ST3GAL3: variants seen among roughly 807,000 people sequenced by gnomAD.
ST3GAL3 encodes the protein CMP-N-acetylneuraminate-beta-1,4-galactoside alpha-2,3-sialyltransferase.
Under a neutral mutation model 50.1 loss-of-function variants are expected in ST3GAL3, and 21 were observed. The ratio of observed to expected loss-of-function variants is 0.42; its 90% CI spans 0.30 to 0.60. The LOEUF is 0.60. Ranked by LOEUF, ST3GAL3 falls within the 20% of genes least tolerant of loss-of-function variation. The pLI, the probability that ST3GAL3 is intolerant of heterozygous loss-of-function variation, is 0.19. For synonymous variants in ST3GAL3, 183 were observed against 190.0 expected, an observed-to-expected ratio of 0.96 and a Z score of 0.30; for missense variants, 353 against 489.4, an observed-to-expected ratio of 0.72 and a Z score of 2.63.
At chr1:43,887,338 G>A (rs1012738180) in intron 5 of ST3GAL3, among the ~76,000 whole-genome samples, 28 of 152,154 alleles carry the variant, frequency 1.8e-4, no homozygotes, top group Non-Finnish European at 3.5e-4. Context: ...GGAACCAACG[G>A]GTACAGGACC....
chr1:43,867,345 C>T (rs2071590315), intron 5 of ST3GAL3, among the ~76,000 whole-genome samples: 1 of 152,118 alleles, frequency 6.6e-6, no homozygotes, highest in Non-Finnish European at 1.5e-5. Context: ...AGGTAGAGAA[C>T]CCAAGAAGAA....
At chr1:43,815,228 C>G (rs774919746) in intron 4 of ST3GAL3, among the ~76,000 whole-genome samples, 2 of 152,186 alleles carry the variant, frequency 1.3e-5, no homozygotes, top group Non-Finnish European at 2.9e-5. Context: ...AAGGCTTCTC[C>G]TGCAGGGTAG....
At chr1:43,813,970 A>G (rs184486622) in intron 3 of ST3GAL3, among the ~76,000 whole-genome samples, 52 of 151,962 alleles carry the variant, frequency 3.4e-4, no homozygotes, top group Admixed American at 2.0e-3. Context: ...AAATAATCCC[A>G]TGACACTTCA....
intron 2 of ST3GAL3, among the ~76,000 whole-genome samples, chr1:43,791,635 G>A (rs1402899210): frequency 6.6e-6 from 1 of 152,064 alleles, no homozygotes; most frequent in African/African-American, 2.4e-5. Context: ...AAATTCTAGT[G>A]TACATTGTAA....
chr1:43,898,021 C>T (rs552284867), intron 6 of ST3GAL3, among the ~76,000 whole-genome samples: 3 of 152,242 alleles, frequency 2.0e-5, no homozygotes, highest in South Asian at 2.1e-4. Flanking sequence ...GACGGGCTCC[C>T]GGCAGTGATA....
chr1:43,755,962 A>G (rs923120200), intron 2 of ST3GAL3, among the ~76,000 whole-genome samples: 9 of 151,880 alleles, frequency 5.9e-5, no homozygotes, highest in Non-Finnish European at 1.5e-5. Context: ...TTAGCCTGGC[A>G]TGGTGGTACA....
chr1:43,850,968 C>T, intron 5 of ST3GAL3: 2 of 951,296 alleles, frequency 2.1e-6, no homozygotes, highest in Non-Finnish European at 1.7e-6. Context: ...GACTTGGCAG[C>T]CTCTCAGGTT....
At chr1:43,928,699 A>G (rs945653198) in intron 11 of ST3GAL3, among the ~76,000 whole-genome samples, 1 of 152,180 alleles carries the variant, frequency 6.6e-6, no homozygotes, top group Non-Finnish European at 1.5e-5. Context: ...ACCTGAGGTC[A>G]GGAGTTCAAA....
intron 2 of ST3GAL3, among the ~76,000 whole-genome samples, chr1:43,751,142 C>T (rs1221228006): frequency 3.3e-5 from 5 of 152,050 alleles, no homozygotes; most frequent in South Asian, 2.1e-4. Flanking sequence ...CAAAAATATT[C>T]TCACTGTTTT....
intron 1 of ST3GAL3, among the ~76,000 whole-genome samples, chr1:43,714,764 C>T (rs1666542596): frequency 6.6e-6 from 1 of 152,178 alleles, no homozygotes; most frequent in Non-Finnish European, 1.5e-5. Flanking sequence ...CCTGTCATTG[C>T]TGACTTCTTC....
intron 3 of ST3GAL3, among the ~76,000 whole-genome samples, chr1:43,813,887 A>ACG (rs1558416925): frequency 2.5e-5 from 1 of 39,810 alleles, no homozygotes; most frequent in Non-Finnish European, 7.2e-5. Flanking sequence ...ACACACACAC[A>ACG]CACACACGCA....
intron 2 of ST3GAL3, among the ~76,000 whole-genome samples, chr1:43,753,176 G>A (rs773648552): frequency 1.3e-5 from 2 of 152,214 alleles, no homozygotes; most frequent in East Asian, 3.8e-4. Context: ...ACTGATAACA[G>A]AGTATATTCC....
chr1:43,764,991 A>G (rs12076860), intron 2 of ST3GAL3, among the ~76,000 whole-genome samples: 2,185 of 151,888 alleles, frequency 0.014, 54 homozygotes, highest in African/African-American at 0.051. Flanking sequence ...ACTTAAGAAT[A>G]CTTGTTATTT....
Position 43,887,831 on chromosome 1 carries a change from C to T in ST3GAL3, c.303-6552C>T, listed in dbSNP as rs1173007582. ...CTGGCTGTGATTGTTAGAAATTCCA[C>T]ATCCACCACTGTCCTTTCTGGGAGT... On this transcript the variant is annotated intron_variant, in intron 5 of 11. Transcript: ENST00000347631. 2.0e-5 allele frequency among the ~76,000 whole-genome samples: 3 copies of T among 152,272 alleles called. No individual in the cohort carries two copies. In the East Asian group the frequency reaches 5.8e-4, roughly 29 times the overall value.
At chr1:43,864,088 G>A (rs1455663957) in intron 5 of ST3GAL3, among the ~76,000 whole-genome samples, 3 of 152,122 alleles carry the variant, frequency 2.0e-5, no homozygotes, top group Non-Finnish European at 4.4e-5. Flanking sequence ...AGACCAGCCT[G>A]GCCAACATGG....
At position 43,899,342 on chromosome 1, in the gene ST3GAL3, C is replaced by T. The variant is rs2077884988; in HGVS notation, c.557+79C>T. ...CCTGAGCCCATTGAGAACTGTCTGTCTGGCTAGTTGGGCTGGAGGTCAACG... is the reference window on the plus strand; with the variant it reads ...CCTGAGCCCATTGAGAACTGTCTGTTTGGCTAGTTGGGCTGGAGGTCAACG... On this transcript the variant is annotated intron_variant, in intron 8 of 11. Coordinates refer to ENST00000347631, the MANE Select transcript of ST3GAL3 (RefSeq NM_006279.5). The surrounding 1 kb of genome is among the most constrained non-coding windows in gnomAD (Gnocchi z 5.4). 5.0e-6 allele frequency: 8 copies of T among 1,612,120 alleles called. No homozygotes were observed.
intron 1 of ST3GAL3, among the ~76,000 whole-genome samples, chr1:43,712,502 A>AT (rs1665283635): frequency 6.6e-6 from 1 of 152,220 alleles, no homozygotes; most frequent in Non-Finnish European, 1.5e-5. Context: ...TATGAAGGAC[A>AT]TGTCCCTGGC....
intron 5 of ST3GAL3, among the ~76,000 whole-genome samples, chr1:43,843,165 T>C (rs1393265665): frequency 6.6e-6 from 1 of 152,248 alleles, no homozygotes; most frequent in African/African-American, 2.4e-5. Context: ...TTCCCAGTCT[T>C]AGGAGGAAAA....
intron 9 of ST3GAL3, among the ~76,000 whole-genome samples, chr1:43,907,094 T>C (rs1006872590): frequency 2.6e-5 from 4 of 152,182 alleles, no homozygotes; most frequent in African/African-American, 4.8e-5. Flanking sequence ...GACGATGTGG[T>C]TTATATGCAT....
Sources: gnomAD v4.1 joint callset for allele counts (sites outside exome capture counted in the v4.1 genomes callset) on GRCh38, gnomAD v4.1.1 for gene constraint, Gnocchi (gnomAD v3.1) non-coding constraint, MANE v1.5 for transcripts, NCBI Gene and HGNC (gene_info 2026-07-23, HGNC 2026-07-21) for gene names.